Variants in PTPN4 observed in about 807,000 individuals in gnomAD.
PTPN4 encodes the protein protein tyrosine phosphatase non-receptor type 4, also known as tyrosine-protein phosphatase non-receptor type 4.
In PTPN4, 49 loss-of-function variants were observed where a neutral mutation model predicts 135.5. The observed-to-expected ratio is 0.36, with a 90% confidence interval of 0.29 to 0.46. The LOEUF (loss-of-function observed/expected upper bound fraction) is 0.46, where lower values mean the gene tolerates loss of function less well. Among genes scored for constraint, PTPN4 ranks in the 20% least tolerant of loss-of-function variants. PTPN4 has a pLI of 1.00. For synonymous variants in PTPN4, 333 were observed against 369.9 expected, an observed-to-expected ratio of 0.90 and a Z score of 1.14; for missense variants, 860 against 1,101.0, an observed-to-expected ratio of 0.78 and a Z score of 3.10.
At chr2:119,915,903 C>T (rs1299280065) in intron 11 of PTPN4, 1 of 151,926 alleles carries the variant, frequency 6.6e-6, no homozygotes, top group African/African-American at 2.4e-5. Context: ...ATAAAAATGT[C>T]TTTGGGGCTG....
At chr2:119,966,307 G>A (rs889787905) in intron 25 of PTPN4, among the ~76,000 whole-genome samples, 2 of 152,040 alleles carry the variant, frequency 1.3e-5, no homozygotes, top group African/African-American at 4.8e-5. Context: ...CACACAGGCT[G>A]GAGTGCAATG....
At chr2:119,968,102 G>T (rs1195003407) in intron 26 of PTPN4, 130 bp downstream of exon 26, 11 of 785,448 alleles carry the variant, frequency 1.4e-5, no homozygotes, top group Non-Finnish European at 1.8e-5. Flanking sequence ...ATAACCTCTA[G>T]CACAGGGGTA....
At chr2:119,872,273 A>T (rs1677924266) in intron 3 of PTPN4, among the ~76,000 whole-genome samples, 1 of 151,998 alleles carries the variant, frequency 6.6e-6, no homozygotes, top group Non-Finnish European at 1.5e-5. Flanking sequence ...TATTTGGGAG[A>T]TGCTCTTCCT....
chr2:119,763,036 G>C (rs535731942), intron 1 of PTPN4, among the ~76,000 whole-genome samples: 9 of 152,228 alleles, frequency 5.9e-5, no homozygotes, highest in Non-Finnish European at 1.2e-4. Flanking sequence ...TAGATGATGA[G>C]ATAGGATATA....
chr2:119,965,398 A>C, intron 24 of PTPN4, 99 bp from the exon 25 acceptor site: 1 of 1,177,066 alleles, frequency 8.5e-7, no homozygotes, highest in Non-Finnish European at 1.2e-6. Flanking sequence ...TTAGTTTTCT[A>C]TCTCCCCCTC....
At chr2:119,837,622 C>G (rs1677315184) in intron 2 of PTPN4, among the ~76,000 whole-genome samples, 1 of 152,236 alleles carries the variant, frequency 6.6e-6, no homozygotes. Context: ...AACACGCCCC[C>G]TGCTCGCCAT....
intron 2 of PTPN4, among the ~76,000 whole-genome samples, chr2:119,824,930 C>T (rs774362055): frequency 2.8e-4 from 43 of 152,150 alleles, no homozygotes; most frequent in Non-Finnish European, 4.7e-4. Context: ...TCAAGTGGTC[C>T]GCCTGCCTTG....
At chr2:119,933,282 G>T (rs1165833817) in intron 14 of PTPN4, among the ~76,000 whole-genome samples, 1 of 152,044 alleles carries the variant, frequency 6.6e-6, no homozygotes, top group Non-Finnish European at 1.5e-5. Flanking sequence ...AACCCATAAG[G>T]TTCACTTATA....
At chr2:119,972,919 T>A (rs1395075721) in intron 26 of PTPN4, among the ~76,000 whole-genome samples, 1 of 152,170 alleles carries the variant, frequency 6.6e-6, no homozygotes, top group Non-Finnish European at 1.5e-5. Context: ...TAGTATGTAA[T>A]GCTTTTTATA....
chr2:119,922,215 A>AT (rs1678746587), intron 12 of PTPN4, among the ~76,000 whole-genome samples: 1 of 120,320 alleles, frequency 8.3e-6, no homozygotes, highest in Non-Finnish European at 1.7e-5. Flanking sequence ...GGACAATCTG[A>AT]TTTAAAAAAA....
At chr2:119,927,959 C>T (rs963877358) in intron 13 of PTPN4, among the ~76,000 whole-genome samples, 2 of 152,006 alleles carry the variant, frequency 1.3e-5, no homozygotes, top group Admixed American at 6.6e-5. Flanking sequence ...AGTGATAGCT[C>T]ATTATGTTTA....
chr2:119,859,956 TGGGC>T (rs1677737561), intron 2 of PTPN4, among the ~76,000 whole-genome samples: 1 of 152,218 alleles, frequency 6.6e-6, no homozygotes, highest in Admixed American at 6.5e-5. Context: ...AGGCTTTTCT[TGGGC>T]TCTTTCATCA....
Position 119,955,166 on chromosome 2 carries a change from A to G in PTPN4, c.1823A>G (p.Asp608Gly). 1 of 1,604,428 alleles carries G rather than the reference A, an allele frequency of 6.2e-7. No homozygotes were observed. The highest frequency in any genetic ancestry group is 8.5e-7 in the Non-Finnish European group (1 of 1,177,328). ...MLLVRPNAVY[D>G]VVEEKLENEP... Reference sequence around the variant, plus strand: ...GATTTTTTTTTTTTAGCTGTATATGATGTAGTGGAAGAAAAGCTAGAAAAT... The same window carrying G: ...GATTTTTTTTTTTTAGCTGTATATGGTGTAGTGGAAGAAAAGCTAGAAAAT... Residue 608 changes from aspartate to glycine, a missense_variant, in exon 20 of 27, where the codon GAT becomes GGT. Coordinates refer to ENST00000263708, the MANE Select transcript of PTPN4 (RefSeq NM_002830.4).
intron 2 of PTPN4, among the ~76,000 whole-genome samples, chr2:119,853,472 T>C (rs1677627313): frequency 6.6e-6 from 1 of 152,104 alleles, no homozygotes; most frequent in East Asian, 1.9e-4. Context: ...AGGTGATTCT[T>C]GCTATTATAA....
At chr2:119,794,183 G>A (rs56031160) in intron 1 of PTPN4, among the ~76,000 whole-genome samples, 1 of 151,982 alleles carries the variant, frequency 6.6e-6, no homozygotes, top group Admixed American at 6.6e-5. Context: ...AGGTAAAGTA[G>A]CATATAATAA....
intron 3 of PTPN4, among the ~76,000 whole-genome samples, chr2:119,876,022 AC>A (rs1360950710): frequency 6.6e-6 from 1 of 152,276 alleles, no homozygotes; most frequent in African/African-American, 2.4e-5. Context: ...AATGAAGAGT[AC>A]TGTAGGAAAT....
At chr2:119,935,485 G>GGT (rs1464085618) in intron 15 of PTPN4, among the ~76,000 whole-genome samples, 1 of 152,176 alleles carries the variant, frequency 6.6e-6, no homozygotes, top group Non-Finnish European at 1.5e-5. Flanking sequence ...AGAGAGTACA[G>GGT]GTGTAGGGTC....
chr2:119,903,930 G>T (rs1034867598), intron 10 of PTPN4, among the ~76,000 whole-genome samples: 21 of 152,122 alleles, frequency 1.4e-4, no homozygotes, highest in African/African-American at 4.8e-4. Flanking sequence ...TAAATAATGT[G>T]AAGACTATGC....
In PTPN4 at chr2:119,977,181, C is replaced by A; in HGVS notation, c.*111C>A. 7.2e-7 allele frequency: 1 copy of A among 1,384,436 alleles called. No homozygotes were observed. The highest frequency in any genetic ancestry group is 9.4e-7 in the Non-Finnish European group (1 of 1,066,164). 85.8% of individuals were successfully genotyped at this position (1,384,436 alleles called of 1,614,324 possible). The stretch of plus-strand genomic sequence containing the variant: ...TTTTACAAAAAAAAAATGAAGAACT[C>A]AAAAAAACTTTGAAAACTTCAGCAC... On this transcript the variant is annotated 3_prime_UTR_variant, in exon 27 of 27. Transcript: ENST00000263708.
Sources: allele counts gnomAD v4.1 joint callset (sites outside exome capture counted in the v4.1 genomes callset), GRCh38; gene constraint gnomAD v4.1.1; transcripts MANE v1.5; gene names NCBI Gene and HGNC (gene_info 2026-07-23, HGNC 2026-07-21).